The following CNTN4 variants were observed in gnomAD, a reference collection of about 807,000 sequenced individuals.
CNTN4 encodes contactin-4.
A neutral mutation model predicts 122.5 loss-of-function variants in CNTN4; 77 were observed. That is an observed-to-expected ratio of 0.63 (90% confidence interval 0.52 to 0.76). CNTN4 has a LOEUF of 0.76. CNTN4 is among the 30% of genes least tolerant of loss of function. The pLI, the probability that CNTN4 is intolerant of heterozygous loss-of-function variation, is 0.00. For missense variants in CNTN4, 1,256 were observed against 1,259.1 expected, an observed-to-expected ratio of 1.00 and a Z score of 0.04; for synonymous variants, 512 against 447.0, an observed-to-expected ratio of 1.15 and a Z score of -1.83.
At chr3:2,425,966 G>A (rs1282310384) in intron 3 of CNTN4, among the ~76,000 whole-genome samples, 2 of 152,056 alleles carry the variant, frequency 1.3e-5, no homozygotes, top group Non-Finnish European at 2.9e-5. Context: ...GGAGATTTTG[G>A]GCTGAGACAA....
At chr3:2,144,629 T>C (rs764561160) in intron 2 of CNTN4, among the ~76,000 whole-genome samples, 2 of 152,198 alleles carry the variant, frequency 1.3e-5, no homozygotes, top group Non-Finnish European at 2.9e-5. Flanking sequence ...TTACCGAGGA[T>C]ATGACTTGTA....
At chr3:2,509,412 T>TAA (rs1325190070) in intron 3 of CNTN4, among the ~76,000 whole-genome samples, 1 of 152,322 alleles carries the variant, frequency 6.6e-6, no homozygotes, top group Admixed American at 6.5e-5. Flanking sequence ...TGAAAGTACT[T>TAA]AAAAAACATG....
chr3:2,977,446 T>A (rs1693528017), intron 13 of CNTN4, among the ~76,000 whole-genome samples: 1 of 152,148 alleles, frequency 6.6e-6, no homozygotes, highest in Non-Finnish European at 1.5e-5. Context: ...ACTGGACTTT[T>A]ATTCTTTGAT....
chr3:2,852,269 A>G (rs1473943566), intron 7 of CNTN4, among the ~76,000 whole-genome samples: 2 of 152,286 alleles, frequency 1.3e-5, no homozygotes, highest in East Asian at 3.9e-4. Flanking sequence ...GGAAAGCAGG[A>G]TTATTAGCTC....
At chr3:2,171,672 C>T (rs920731734) in intron 2 of CNTN4, among the ~76,000 whole-genome samples, 2 of 152,132 alleles carry the variant, frequency 1.3e-5, no homozygotes, top group Non-Finnish European at 1.5e-5. Flanking sequence ...TATCCCAAAG[C>T]GCAGGTAAGT....
intron 2 of CNTN4, among the ~76,000 whole-genome samples, chr3:2,114,524 G>A (rs141337519): frequency 1.3e-5 from 2 of 152,232 alleles, no homozygotes; most frequent in African/African-American, 4.8e-5. Context: ...GGCTTATGAG[G>A]AAAAATGGCA....
intron 4 of CNTN4, among the ~76,000 whole-genome samples, chr3:2,642,071 A>T (rs1576320189): frequency 6.6e-6 from 1 of 152,334 alleles, no homozygotes; most frequent in Middle Eastern, 3.4e-3. Context: ...CATGATCACA[A>T]GATAAGGTCC....
intron 4 of CNTN4, among the ~76,000 whole-genome samples, chr3:2,585,070 T>C (rs2080125564): frequency 6.6e-6 from 1 of 152,238 alleles, no homozygotes; most frequent in Admixed American, 6.5e-5. Context: ...CCTAATATTT[T>C]GTCATTAACT....
At chr3:2,107,506 C>G (rs979727411) in intron 2 of CNTN4, among the ~76,000 whole-genome samples, 1 of 152,012 alleles carries the variant, frequency 6.6e-6, no homozygotes, top group Admixed American at 6.6e-5. Flanking sequence ...TTCACTATCA[C>G]GAAAACAGCA....
At chr3:2,779,406 C>T (rs2091481262) in intron 6 of CNTN4, among the ~76,000 whole-genome samples, 1 of 152,088 alleles carries the variant, frequency 6.6e-6, no homozygotes, top group African/African-American at 2.4e-5. Flanking sequence ...ACCATGTTGC[C>T]CAGGCTGGTC....
chr3:2,684,531 C>T (rs926777349), intron 4 of CNTN4, among the ~76,000 whole-genome samples: 1 of 152,128 alleles, frequency 6.6e-6, no homozygotes. Flanking sequence ...TGGACCCATG[C>T]ATTTGAAGGT....
In CNTN4 at chr3:2,385,697, C is replaced by T. The variant is rs2046226774; in HGVS notation, c.-89+46464C>T. On this transcript the variant is annotated intron_variant, in intron 3 of 24. Coordinates refer to ENST00000418658, the MANE Select transcript of CNTN4 (RefSeq NM_175607.3). This position sits in a 1 kb window ranked among gnomAD's most constrained non-coding sequence, Gnocchi z 4.0. Reference sequence around the variant, plus strand: ...CCTCCATCTTCACATGCTGCATTCCCTGTATGCCTGTGTGTTCAAATTTTT... The same window carrying T: ...CCTCCATCTTCACATGCTGCATTCCTTGTATGCCTGTGTGTTCAAATTTTT... Among the ~76,000 whole-genome samples, 1 of 152,046 alleles carries T rather than the reference C, an allele frequency of 6.6e-6. No individual in the cohort carries two copies. The highest frequency in any genetic ancestry group is 6.6e-5 in the Admixed American group (1 of 15,244).
chr3:2,384,926 G>A (rs1359794932), intron 3 of CNTN4, among the ~76,000 whole-genome samples: 1 of 151,582 alleles, frequency 6.6e-6, no homozygotes, highest in Non-Finnish European at 1.5e-5. Context: ...TTAAAACATT[G>A]GTTTCATATA....
chr3:3,026,198 A>C lies in CNTN4; in HGVS notation c.1583A>C (p.Asp528Ala). ...CAGGTAACGCATGATCACTCGCTAG[A>C]CATCGTGTTTACTTGGTCATTTAAT... Reference protein sequence around the residue: ...PCQVTHDHSLDIVFTWSFNGH... With the variant: ...PCQVTHDHSLAIVFTWSFNGH... Residue 528 changes from aspartate (D) to alanine (A), a missense_variant, in exon 15 of 25, where the codon GAC (aspartate) becomes GCC (alanine). By Grantham distance (126) the Asp-to-Ala change is moderately radical. Coordinates refer to ENST00000418658, the MANE Select transcript of CNTN4 (RefSeq NM_175607.3). The C allele has an allele frequency of 6.2e-7, 1 of 1,613,544 alleles. No individual in the cohort carries two copies. The highest frequency in any genetic ancestry group is 1.1e-5 in the South Asian group (1 of 91,080).
Position 2,271,030 on chromosome 3 carries a change from CCT to C in CNTN4, c.-144-68143_-144-68142del, listed in dbSNP as rs142192888. 7.1e-3 allele frequency among the ~76,000 whole-genome samples: 1,075 copies of C among 152,198 alleles called. 6 individuals carry two copies. The highest frequency in any genetic ancestry group is 0.011 in the Non-Finnish European group (775 of 68,006). ...AGACCACTGCTTATTAACTTAGGGA[CCT>C]CTCTGCTTTTGGTGACAGTAGCAGG... On this transcript the variant is annotated intron_variant, in intron 2 of 24. Coordinates refer to ENST00000418658, the MANE Select transcript of CNTN4 (RefSeq NM_175607.3).
At chr3:2,605,773 T>C (rs2619559) in intron 4 of CNTN4, among the ~76,000 whole-genome samples, 33,390 of 152,108 alleles carry the variant, frequency 0.22, 4,111 homozygotes, top group African/African-American at 0.31. Context: ...CCAACCGATG[T>C]CCTGTCAGGT....
intron 3 of CNTN4, among the ~76,000 whole-genome samples, chr3:2,502,565 C>G (rs1575784278): frequency 1.3e-5 from 2 of 152,094 alleles, no homozygotes; most frequent in East Asian, 3.9e-4. Flanking sequence ...ACTACTCTGG[C>G]TTAGCACTTT....
chr3:2,358,432 A>G (rs1293347208), intron 3 of CNTN4, among the ~76,000 whole-genome samples: 1 of 151,972 alleles, frequency 6.6e-6, no homozygotes, highest in Non-Finnish European at 1.5e-5. Flanking sequence ...ATTTAGGATT[A>G]AGCGATAGCA....
intron 12 of CNTN4, among the ~76,000 whole-genome samples, chr3:2,910,781 G>C (rs1007194773): frequency 1.3e-5 from 2 of 152,160 alleles, no homozygotes; most frequent in African/African-American, 4.8e-5. Context: ...AATCTAAGGA[G>C]TATTAATTAG....
Sources: allele counts gnomAD v4.1 joint callset (sites outside exome capture counted in the v4.1 genomes callset), GRCh38; gene constraint gnomAD v4.1.1; non-coding constraint Gnocchi (gnomAD v3.1); transcripts MANE v1.5; gene names NCBI Gene and HGNC (gene_info 2026-07-23, HGNC 2026-07-21).